DLEU7: variants seen among roughly 807,000 people sequenced by gnomAD.
The protein encoded by DLEU7 is deleted in lymphocytic leukemia 7, also known as leukemia-associated protein 7.
A neutral mutation model predicts 16.0 loss-of-function variants in DLEU7; 17 were observed. The ratio of observed to expected loss-of-function variants is 1.06; its 90% confidence interval spans 0.73 to 1.59. The LOEUF is 1.59. Among genes scored for constraint, DLEU7 ranks in the 40% most tolerant of loss-of-function variants. DLEU7 has a pLI of 0.00. For synonymous variants in DLEU7, 113 were observed against 139.8 expected (o/e 0.81, Z 1.35); for missense variants, 308 against 314.9 (o/e 0.98, Z 0.17).
At chr13:50,749,177 A>G (rs1006630321) in intron 1 of DLEU7, among the ~76,000 whole-genome samples, 1 of 152,118 alleles carries the variant, frequency 6.6e-6, no homozygotes, top group African/African-American at 2.4e-5. Flanking sequence ...ACTTAGAATA[A>G]TAGTCTCCAA....
intron 1 of DLEU7, among the ~76,000 whole-genome samples, chr13:50,834,021 G>A (rs1033593874): frequency 6.6e-6 from 1 of 151,968 alleles, no homozygotes; most frequent in African/African-American, 2.4e-5. Context: ...CTTCCTTACA[G>A]CTTATACAAA....
intron 1 of DLEU7, among the ~76,000 whole-genome samples, chr13:50,802,115 T>C (rs1209900347): frequency 1.3e-5 from 1 of 75,266 alleles, no homozygotes; most frequent in Non-Finnish European, 2.2e-5. Flanking sequence ...GGAGCCTCTA[T>C]ACACTAAAAA....
At chr13:50,727,799 C>G (rs1228430040) in intron 1 of DLEU7, among the ~76,000 whole-genome samples, 2 of 152,222 alleles carry the variant, frequency 1.3e-5, no homozygotes, top group Non-Finnish European at 2.9e-5. Flanking sequence ...GAGCTGCACA[C>G]TGCTGTGACT....
chr13:50,713,525 ATCT>A (rs1242056673), intron 1 of DLEU7, among the ~76,000 whole-genome samples: 4 of 152,156 alleles, frequency 2.6e-5, no homozygotes, highest in Non-Finnish European at 4.4e-5. Flanking sequence ...TTTTATGTTC[ATCT>A]TCTTCTTCCT....
intron 1 of DLEU7, among the ~76,000 whole-genome samples, chr13:50,794,852 G>A (rs1876065455): frequency 6.6e-6 from 1 of 151,940 alleles, no homozygotes; most frequent in Non-Finnish European, 1.5e-5. Flanking sequence ...GTCCACATCT[G>A]GAAGCTGGCT....
chr13:50,743,358 G>T (rs558644093), intron 1 of DLEU7, among the ~76,000 whole-genome samples: 1 of 152,216 alleles, frequency 6.6e-6, no homozygotes, highest in East Asian at 1.9e-4. Flanking sequence ...TATAAACAGT[G>T]GTCAATACTG....
chr13:50,749,729 G>A (rs1874508289), intron 1 of DLEU7, among the ~76,000 whole-genome samples: 2 of 152,026 alleles, frequency 1.3e-5, no homozygotes, highest in African/African-American at 4.8e-5. Context: ...TTGGCCATTT[G>A]TATATCTTCT....
intron 1 of DLEU7, among the ~76,000 whole-genome samples, chr13:50,837,826 G>A (rs149410528): frequency 9.2e-5 from 14 of 152,110 alleles, no homozygotes; most frequent in South Asian, 2.1e-4. Flanking sequence ...TGTGAATTCC[G>A]TTCTTGATAT....
At chr13:50,779,221 GA>G (rs1301723763) in intron 1 of DLEU7, among the ~76,000 whole-genome samples, 2 of 152,120 alleles carry the variant, frequency 1.3e-5, no homozygotes, top group African/African-American at 4.8e-5. Flanking sequence ...TTAAGATTCG[GA>G]ATCTCCCCAA....
At chr13:50,807,002 G>T (rs1176091361) in intron 1 of DLEU7, among the ~76,000 whole-genome samples, 1 of 134,544 alleles carries the variant, frequency 7.4e-6, no homozygotes, top group Non-Finnish European at 1.5e-5. Flanking sequence ...AAAAAAAGTC[G>T]GTCTGCTCCT....
chr13:50,774,633 G>A (rs1875439520), intron 1 of DLEU7, among the ~76,000 whole-genome samples: 2 of 152,104 alleles, frequency 1.3e-5, no homozygotes, highest in Admixed American at 1.3e-4. Flanking sequence ...GTGGGTTGCT[G>A]TTTTCAATCA....
chr13:50,802,730 C>T (rs749061569), intron 1 of DLEU7, among the ~76,000 whole-genome samples: 20 of 152,160 alleles, frequency 1.3e-4, no homozygotes, highest in Non-Finnish European at 1.3e-4. Flanking sequence ...GTCACTGAGA[C>T]AACCAGTTCT....
At chr13:50,753,257 C>T (rs948309366) in intron 1 of DLEU7, among the ~76,000 whole-genome samples, 4 of 152,238 alleles carry the variant, frequency 2.6e-5, no homozygotes, top group East Asian at 3.8e-4. Context: ...CAGTGGATCC[C>T]GCACCAGGGC....
At chr13:50,834,361 C>T (rs2137812272) in intron 1 of DLEU7, among the ~76,000 whole-genome samples, 1 of 151,566 alleles carries the variant, frequency 6.6e-6, no homozygotes, top group Admixed American at 6.6e-5. Context: ...ACAACCCCAT[C>T]AAAAAGTGGG....
intron 1 of DLEU7, among the ~76,000 whole-genome samples, chr13:50,809,238 A>G (rs1876489898): frequency 6.6e-6 from 1 of 152,118 alleles, no homozygotes; most frequent in Non-Finnish European, 1.5e-5. Flanking sequence ...ATTTATTTCC[A>G]TGTGTTTTGG....
intron 1 of DLEU7, among the ~76,000 whole-genome samples, chr13:50,836,568 G>C (rs971436207): frequency 7.2e-5 from 11 of 152,040 alleles, no homozygotes; most frequent in African/African-American, 1.9e-4. Flanking sequence ...CAGCTACTCG[G>C]GAGGCTGAGG....
intron 1 of DLEU7, among the ~76,000 whole-genome samples, chr13:50,798,891 C>G (rs1438320413): frequency 6.6e-6 from 1 of 152,214 alleles, no homozygotes; most frequent in Non-Finnish European, 1.5e-5. Context: ...GCCTCCTTCC[C>G]TCCTCACTCC....
intron 1 of DLEU7, among the ~76,000 whole-genome samples, chr13:50,769,464 A>G (rs61964474): frequency 6.6e-6 from 1 of 152,176 alleles, no homozygotes; most frequent in African/African-American, 2.4e-5. Context: ...TAATTATTGT[A>G]TAAGGTATAA....
chr13:50,714,277 G>A (rs1398221687), intron 1 of DLEU7, among the ~76,000 whole-genome samples: 1 of 152,164 alleles, frequency 6.6e-6, no homozygotes, highest in Non-Finnish European at 1.5e-5. Flanking sequence ...CTTGGGCAAC[G>A]TGGCTATTTT....
Sources: allele counts gnomAD v4.1 joint callset (sites outside exome capture counted in the v4.1 genomes callset), GRCh38; gene constraint gnomAD v4.1.1; transcripts MANE v1.5; gene names NCBI Gene and HGNC (gene_info 2026-07-23, HGNC 2026-07-21).